ITGA2B: variants seen among roughly 807,000 people sequenced by gnomAD.
ITGA2B encodes integrin subunit alpha 2b.
ITGA2B carries 91 observed loss-of-function variants against 142.0 expected under a neutral mutation model. That is an observed-to-expected ratio of 0.64 (90% CI 0.54 to 0.76). ITGA2B has a LOEUF of 0.76. Ranked by LOEUF, ITGA2B falls within the 30% of genes least tolerant of loss-of-function variation. The probability of loss-of-function intolerance (pLI) is 0.00; values close to 1 mark genes in which losing one functional copy is unlikely to be tolerated. For missense variants in ITGA2B, 1,231 were observed against 1,350.8 expected (o/e 0.91, Z 1.39); for synonymous variants, 536 against 567.2 (o/e 0.94, Z 0.78).
rs993677797 is a variant in ITGA2B, at chr17:44,372,382, ATCT to A, written c.3099_3101del (p.Glu1033del). ...TGCACCATCACTCCCCCTCTTCATCATCTTCTTCCAGGGGTGGCCGGTTCCGCT... is the reference window on the plus strand; with the variant it reads ...TGCACCATCACTCCCCCTCTTCATCATCTTCCAGGGGTGGCCGGTTCCGCT... On this transcript the variant is annotated inframe_deletion, in exon 30 of 30. Coordinates refer to ENST00000262407, the MANE Select transcript of ITGA2B (RefSeq NM_000419.5). The A allele has an allele frequency of 3.7e-6, 6 of 1,613,856 alleles. No individual in the cohort carries two copies. The highest frequency in any genetic ancestry group is 2.2e-5 in the East Asian group (1 of 44,870).
intron 1 of ITGA2B, among the ~76,000 whole-genome samples, chr17:44,386,593 G>T (rs944948072): frequency 2.6e-5 from 4 of 152,126 alleles, no homozygotes; most frequent in African/African-American, 9.7e-5. Context: ...TGTGTGTGCT[G>T]ATAGGAGGAC....
rs368950689 is a variant in ITGA2B, at chr17:44,385,096, G to T, written c.671-20C>A. 8.7e-6 allele frequency: 14 copies of T among 1,614,020 alleles called. No homozygotes were observed. The highest frequency in any genetic ancestry group is 2.2e-5 in the South Asian group (2 of 91,088). On this transcript the variant is annotated intron_variant, in intron 6 of 29. Transcript: ENST00000262407. ...GGAGACCTAGGGCGGGAGGGACAGC[G>T]GGTGTGAAGCCCAAAGCGGTCTCCT... is the stretch of plus-strand genomic sequence containing the variant.
Position 44,374,433 on chromosome 17 carries a change from G to A in ITGA2B, c.2981C>T (p.Ala994Val). ...TQLLRALEER[A>V]IPIWWVLVGV... ...CACCAGCACCCACCAGATTGGAATG[G>A]CCCTCTCCTCCAAGGCCCGGAGCAG... is the stretch of plus-strand genomic sequence containing the variant. Residue 994 changes from alanine to valine, a missense_variant, in exon 29 of 30, where the codon GCC (alanine) becomes GTC (valine). Around this residue, in one of 3 missense-constraint regions of ITGA2B, gnomAD observed 908 missense variants for 1,021.1 expected, o/e 0.89. Transcript: ENST00000262407. The A allele has an allele frequency of 6.2e-7, 1 of 1,614,128 alleles. No homozygotes were observed. The highest frequency in any genetic ancestry group is 8.5e-7 in the Non-Finnish European group (1 of 1,180,016).
chr17:44,383,571 G>A lies in ITGA2B; in HGVS notation c.1132C>T (p.Leu378=), dbSNP rs899292270. The part of the protein sequence containing the change: ...PHALGAPSLL[L]TGTQLYGRFG... ...CGCCCATAGAGCTGTGTGCCAGTCA[G>A]CAGGAGGCTGGGGGCACCCAGCGCG... is the stretch of plus-strand genomic sequence containing the variant. The change falls in exon 12 of 30, where the codon CTG becomes TTG. Residue 378 remains leucine (L), a synonymous_variant. Coordinates refer to ENST00000262407, the MANE Select transcript of ITGA2B (RefSeq NM_000419.5). The A allele has an allele frequency of 6.2e-7, 1 of 1,612,022 alleles. No individual in the cohort carries two copies.
chr17:44,385,356 G>C (rs2048636420), intron 4 of ITGA2B, 21 bp from the exon 5 acceptor site: 1 of 1,606,066 alleles, frequency 6.2e-7, no homozygotes, highest in Admixed American at 1.7e-5. Context: ...CAAGGAGGAG[G>C]GGTCAGCGCA....
chr17:44,375,445 C>T (rs780856301), intron 26 of ITGA2B, 146 bp downstream of exon 26: 1 of 945,380 alleles, frequency 1.1e-6, no homozygotes, highest in South Asian at 1.7e-5. Flanking sequence ...AGCCAGCATG[C>T]TCCTCCATGT....
chr17:44,375,446 T>G (rs1336162283), intron 26 of ITGA2B, 145 bp downstream of exon 26: 1 of 947,008 alleles, frequency 1.1e-6, no homozygotes, highest in Non-Finnish European at 1.6e-6. Context: ...GCCAGCATGC[T>G]CCTCCATGTT....
chr17:44,375,504 G>T, intron 26 of ITGA2B, 87 bp downstream of exon 26: 1 of 1,531,562 alleles, frequency 6.5e-7, no homozygotes, highest in Non-Finnish European at 8.9e-7. Context: ...GAGGCCCACA[G>T]CACACCCGGA....
In ITGA2B at chr17:44,380,069, G is replaced by A. The variant is rs2048580578; in HGVS notation, c.1685C>T (p.Thr562Ile). The change falls in exon 17 of 30, where the codon ACC becomes ATC. Residue 562 changes from threonine to isoleucine, a missense_variant. Thr to Ile is a moderately conservative substitution (Grantham distance 89). Around this residue, in one of 3 missense-constraint regions of ITGA2B, gnomAD observed 908 missense variants for 1,021.1 expected, o/e 0.89. Coordinates refer to ENST00000262407, the MANE Select transcript of ITGA2B (RefSeq NM_000419.5). ...TCCGCCCAGATCCAGGTTCAGGGTGGTGCCTGCCTGTTGAGAGCCCAGCAG... is the reference window on the plus strand; with the variant it reads ...TCCGCCCAGATCCAGGTTCAGGGTGATGCCTGCCTGTTGAGAGCCCAGCAG... Reference protein sequence around the residue: ...VLLLGSQQAGTTLNLDLGGKH... With the variant: ...VLLLGSQQAGITLNLDLGGKH... The A allele has an allele frequency of 6.2e-7, 1 of 1,614,046 alleles. No homozygotes were observed. The highest frequency in any genetic ancestry group is 8.5e-7 in the Non-Finnish European group (1 of 1,180,026).
At position 44,383,919 on chromosome 17, in the gene ITGA2B, C is replaced by T. The variant is rs896055678; in HGVS notation, c.973G>A (p.Ala325Thr). 1 of 1,614,016 alleles carries T rather than the reference C, an allele frequency of 6.2e-7. No individual in the cohort carries two copies. The highest frequency in any genetic ancestry group is 1.7e-4 in the Middle Eastern group (1 of 6,020). Residue 325 changes from alanine (A) to threonine (T), a missense_variant, in exon 11 of 30, where the codon GCT (alanine) becomes ACT (threonine). Ala to Thr is a moderately conservative substitution (Grantham distance 58). This residue lies in a region of ITGA2B where 908 missense variants were observed against 1,021.1 expected (regional missense o/e 0.89). Coordinates refer to ENST00000262407, the MANE Select transcript of ITGA2B (RefSeq NM_000419.5). ...QMASYFGHSV[A>T]VTDVNGDGRH... The stretch of plus-strand genomic sequence containing the variant: ...CCATCCCCGTTGACGTCAGTGACAG[C>T]CACTGAATGCCCAAAATACGACGCC...
chr17:44,377,577 C>T (rs2048556113), intron 21 of ITGA2B, 121 bp downstream of exon 21: 2 of 741,416 alleles, frequency 2.7e-6, no homozygotes, highest in Non-Finnish European at 4.8e-6. Context: ...GGACATGTGG[C>T]AAGGGAGTGT....
rs850729 is a variant in ITGA2B at position 44,377,438 on chromosome 17, C to T, written c.2187+260G>A. 0.39 allele frequency among the ~76,000 whole-genome samples: 58,766 copies of T among 151,844 alleles called. 11,401 individuals are homozygous for T. Among genetic ancestry groups the T allele is most frequent in the East Asian group, 0.44 (2,282 of 5,156 alleles). On this transcript the variant is annotated intron_variant, in intron 21 of 29. Coordinates refer to ENST00000262407, the MANE Select transcript of ITGA2B (RefSeq NM_000419.5). The stretch of plus-strand genomic sequence containing the variant: ...CTTGAACTCCTGACCTCGTGATCCA[C>T]CCGTCTCGGCCTCCCAGAGTGCTGG...
intron 12 of ITGA2B, among the ~76,000 whole-genome samples, chr17:44,382,254 C>CT (rs900074217): frequency 6.6e-6 from 1 of 152,058 alleles, no homozygotes; most frequent in Non-Finnish European, 1.5e-5. Context: ...ACCCTCATCT[C>CT]TTTTCTGTGA....
chr17:44,380,881 G>A lies in ITGA2B; in HGVS notation c.1391C>T (p.Pro464Leu), dbSNP rs1567902592. 6.2e-7 allele frequency: 1 copy of A among 1,614,230 alleles called. No homozygotes were observed. The highest frequency in any genetic ancestry group is 1.3e-5 in the African/African-American group (1 of 75,060). The stretch of plus-strand genomic sequence containing the variant: ...TAGCTGGAGGCAGTCCAGGGCACCT[G>A]GGTATCCGTTGTCATCGATGTCTAC... Reference protein sequence around the residue: ...GAVDIDDNGYPDLIVGAYGAN... With the variant: ...GAVDIDDNGYLDLIVGAYGAN... The change falls in exon 13 of 30, where the codon CCA becomes CTA. Residue 464 changes from proline to leucine, a missense_variant and splice_region_variant. Physicochemically the swap from Pro to Leu is moderately conservative, Grantham distance 98. Transcript: ENST00000262407.
rs765751828 is a variant in ITGA2B, at chr17:44,375,584, T to C, written c.2727+7A>G. 6.2e-7 allele frequency: 1 copy of C among 1,613,822 alleles called. No homozygotes were observed. The highest frequency in any genetic ancestry group is 1.1e-5 in the South Asian group (1 of 91,058). ...AGGCCGGGCCAGAGACCAGAGAGCC[T>C]GCTCACTACGAGAACTGGATCCTGA... On this transcript the variant is annotated splice_region_variant and intron_variant, in intron 26 of 29. Transcript: ENST00000262407.
rs1393747638 is a variant in ITGA2B at position 44,385,717 on chromosome 17, C to T, written c.409-1G>A. 12 of 1,613,506 alleles carry T rather than the reference C, an allele frequency of 7.4e-6. No homozygotes were observed. Among genetic ancestry groups the T allele is most frequent in the Non-Finnish European group, 9.3e-6 (11 of 1,180,002 alleles). Reference sequence around the variant, plus strand: ...TCCAGTGCTGCCAGGGGGCGCAGGCCTGGAGAAAGGCCACAGGAGTGGGGA... The same window carrying T: ...TCCAGTGCTGCCAGGGGGCGCAGGCTTGGAGAAAGGCCACAGGAGTGGGGA... On this transcript the variant is annotated splice_acceptor_variant, in intron 3 of 29. Coordinates refer to ENST00000262407, the MANE Select transcript of ITGA2B (RefSeq NM_000419.5). LOFTEE classifies it high-confidence loss of function.
chr17:44,381,252 T>G (rs2048595217), intron 12 of ITGA2B, among the ~76,000 whole-genome samples, 191 bp from the exon 13 acceptor site: 1 of 152,214 alleles, frequency 6.6e-6, no homozygotes, highest in African/African-American at 2.4e-5. Context: ...CAAGTAGGAT[T>G]GTTATAAAAA....
intron 28 of ITGA2B, 60 bp downstream of exon 28, chr17:44,374,588 TCTGGCTGGGCA>T (rs1331036560): frequency 6.5e-7 from 1 of 1,542,230 alleles, no homozygotes; most frequent in African/African-American, 1.4e-5. Flanking sequence ...CTCAGACTTT[TCTGGCTGGGCA>T]CTGACTGGGG....
At position 44,384,123 on chromosome 17, in the gene ITGA2B, A is replaced by G; in HGVS notation, c.907T>C (p.Ser303Pro). 1 of 1,613,686 alleles carries G rather than the reference A, an allele frequency of 6.2e-7. No homozygotes were observed. Among genetic ancestry groups the G allele is most frequent in the Non-Finnish European group, 8.5e-7 (1 of 1,179,918 alleles). The change falls in exon 10 of 30, where the codon TCC (serine) becomes CCC (proline). Residue 303 changes from serine to proline, a missense_variant. Ser to Pro is a moderately conservative substitution (Grantham distance 74). This residue lies in a region of ITGA2B where 908 missense variants were observed against 1,021.1 expected (regional missense o/e 0.89). Transcript: ENST00000262407. ...WTLGAVEILD[S>P]YYQRLHRLRG... is the part of the protein sequence containing the mutation. ...AGCCGATGCAGCCTCTGGTAGTAGGAATCCAAAATTTCCACCTGCACGGAC... is the reference window on the plus strand; with the variant it reads ...AGCCGATGCAGCCTCTGGTAGTAGGGATCCAAAATTTCCACCTGCACGGAC...
Sources: allele counts gnomAD v4.1 joint callset (sites outside exome capture counted in the v4.1 genomes callset), GRCh38; gene constraint gnomAD v4.1.1; regional missense constraint gnomAD v4.1.1; transcripts MANE v1.5; gene names NCBI Gene and HGNC (gene_info 2026-07-23, HGNC 2026-07-21).